Variants in TOGARAM1 observed in about 807,000 individuals in gnomAD.
TOGARAM1 encodes TOG array regulator of axonemal microtubules protein 1.
Under a neutral mutation model 166.6 loss-of-function variants are expected in TOGARAM1, and 100 were observed. The observed-to-expected ratio is 0.60, with a 90% CI of 0.51 to 0.71. The LOEUF (loss-of-function observed/expected upper bound fraction) is 0.71, where lower values mean the gene tolerates loss of function less well. Among genes scored for constraint, TOGARAM1 ranks in the 30% least tolerant of loss-of-function variants. The probability of loss-of-function intolerance (pLI) is 0.00; values close to 1 mark genes in which losing one functional copy is unlikely to be tolerated. For missense variants in TOGARAM1, 2,029 were observed against 2,102.7 expected (o/e 0.96, Z 0.69); for synonymous variants, 758 against 763.8 (o/e 0.99, Z 0.13).
chr14:45,070,951 C>G (rs1183854091), intron 18 of TOGARAM1, among the ~76,000 whole-genome samples: 2 of 152,180 alleles, frequency 1.3e-5, no homozygotes, highest in Admixed American at 6.5e-5. Context: ...GAGACGGAGT[C>G]TCACTCTATC....
chr14:45,062,568 G>T (rs1460475569), intron 16 of TOGARAM1, among the ~76,000 whole-genome samples: 1 of 152,084 alleles, frequency 6.6e-6, no homozygotes, highest in Non-Finnish European at 1.5e-5. Context: ...ACTTAGGATC[G>T]TTCAACTTAC....
At position 44,962,845 on chromosome 14, in the gene TOGARAM1, C is replaced by G. The variant is rs1290907363; in HGVS notation, c.424C>G (p.Arg142Gly). Residue 142 changes from arginine (R) to glycine (G), a missense_variant, in exon 1 of 20, where the codon CGA becomes GGA. Physicochemically the swap from Arg to Gly is moderately radical, Grantham distance 125 (BLOSUM62 -2). Coordinates refer to ENST00000361462, the MANE Select transcript of TOGARAM1 (RefSeq NM_001308120.2). ...GGAAGCTTTGTATCGGGCACTGGGC[C>G]GAGTGCTTGTGGAAGGAGGTAGTGA... ...RKEALYRALGRVLVEGGSDEK... is the reference protein window; with the variant it reads ...RKEALYRALGGVLVEGGSDEK... The G allele has an allele frequency of 3.7e-6, 6 of 1,613,392 alleles. No individual in the cohort carries two copies. Among genetic ancestry groups the G allele is most frequent in the South Asian group, 1.1e-5 (1 of 91,074 alleles).
At chr14:44,981,999 C>T (rs1187173147) in intron 1 of TOGARAM1, among the ~76,000 whole-genome samples, 5 of 151,970 alleles carry the variant, frequency 3.3e-5, no homozygotes, top group Admixed American at 1.3e-4. Flanking sequence ...CACGCCACCA[C>T]GCCTAGCTAA....
At chr14:44,970,907 T>C (rs1277103093) in intron 1 of TOGARAM1, among the ~76,000 whole-genome samples, 1 of 152,218 alleles carries the variant, frequency 6.6e-6, no homozygotes, top group Non-Finnish European at 1.5e-5. Context: ...TGGTGTGTTA[T>C]TCATTTTGTA....
intron 1 of TOGARAM1, among the ~76,000 whole-genome samples, chr14:44,969,150 C>CCTTCCTTCCTTCCTTCCTTTCTTTCT (rs1566595745): frequency 7.7e-6 from 1 of 130,052 alleles, no homozygotes; most frequent in African/African-American, 3.3e-5. Flanking sequence ...TCCTTCCTTT[C>CCTTCCTTCCTTCCTTCCTTTCTTTCT]TTTCTTTCTT....
chr14:45,063,479 GT>G (rs373702236), intron 16 of TOGARAM1, among the ~76,000 whole-genome samples: 130 of 118,690 alleles, frequency 1.1e-3, no homozygotes, highest in Middle Eastern at 4.7e-3. Context: ...ATTTGACAAA[GT>G]TTTTTTTTTT....
intron 1 of TOGARAM1, among the ~76,000 whole-genome samples, chr14:44,992,776 C>T (rs1887214931): frequency 6.6e-6 from 1 of 151,514 alleles, no homozygotes; most frequent in Non-Finnish European, 1.5e-5. Context: ...TGCCACCACG[C>T]CCGACTAATT....
intron 17 of TOGARAM1, 48 bp downstream of exon 17, chr14:45,066,815 C>A: frequency 6.7e-7 from 1 of 1,493,880 alleles, no homozygotes; most frequent in Non-Finnish European, 9.1e-7. Flanking sequence ...GTGGCTCACG[C>A]CTGTAATCCA....
intron 6 of TOGARAM1, among the ~76,000 whole-genome samples, chr14:45,009,716 A>T (rs552178293): frequency 6.9e-4 from 105 of 152,320 alleles, no homozygotes; most frequent in Non-Finnish European, 1.2e-3. Flanking sequence ...TCAGCATAGC[A>T]GTTGGACTAA....
intron 11 of TOGARAM1, among the ~76,000 whole-genome samples, chr14:45,041,287 G>GC (rs1881712790): frequency 6.6e-6 from 1 of 151,754 alleles, no homozygotes; most frequent in African/African-American, 2.4e-5. Context: ...TGTAATCCCA[G>GC]CTACTCCAGA....
intron 18 of TOGARAM1, among the ~76,000 whole-genome samples, chr14:45,070,732 G>A (rs2139010707): frequency 6.6e-6 from 1 of 152,206 alleles, no homozygotes; most frequent in East Asian, 1.9e-4. Context: ...TACAGAGGTT[G>A]GCTCCCCTAA....
In TOGARAM1 at chr14:44,973,853, G is replaced by T. The variant is rs1262564777; in HGVS notation, c.2046+9386G>T. 2.0e-5 allele frequency among the ~76,000 whole-genome samples: 3 copies of T among 150,812 alleles called. No homozygotes were observed. In the East Asian group the frequency reaches 5.8e-4, roughly 29 times the overall value. On this transcript the variant is annotated intron_variant, in intron 1 of 19. Coordinates refer to ENST00000361462, the MANE Select transcript of TOGARAM1 (RefSeq NM_001308120.2). ...AATCCACTTTCTTCTTCTTTGTATG[G>T]TTTCTGAGAAGTTAGATGTAATTCT...
rs962801907 is a variant in TOGARAM1, at chr14:45,011,055, G to A, written c.3138-920G>A. ...TATTCATTACTAACTTACTGACATTGTAACACTTACTGATTTAAAACAGTT... is the reference window on the plus strand; with the variant it reads ...TATTCATTACTAACTTACTGACATTATAACACTTACTGATTTAAAACAGTT... On this transcript the variant is annotated intron_variant, in intron 6 of 19. Coordinates refer to ENST00000361462, the MANE Select transcript of TOGARAM1 (RefSeq NM_001308120.2). Among the ~76,000 whole-genome samples the A allele has an allele frequency of 4.6e-5, 7 of 152,050 alleles. No homozygotes were observed. The South Asian group carries it at 6.2e-4, about 14-fold the overall frequency.
At chr14:44,973,796 T>TG (rs1182038477) in intron 1 of TOGARAM1, among the ~76,000 whole-genome samples, 1 of 147,294 alleles carries the variant, frequency 6.8e-6, no homozygotes, top group Non-Finnish European at 1.5e-5. Context: ...AATTGATGGG[T>TG]TTTTTTTTTC....
At chr14:45,023,121 C>A (rs1189812522) in intron 7 of TOGARAM1, 1 of 152,210 alleles carries the variant, frequency 6.6e-6, no homozygotes. Flanking sequence ...TCACTGACCA[C>A]TGCATACCCC....
chr14:45,048,681 A>G (rs1040420831), intron 14 of TOGARAM1, among the ~76,000 whole-genome samples: 1 of 152,052 alleles, frequency 6.6e-6, no homozygotes, highest in Non-Finnish European at 1.5e-5. Context: ...CCTTGTGGTT[A>G]TAAGACTGAG....
At chr14:44,966,064 A>C (rs930002031) in intron 1 of TOGARAM1, among the ~76,000 whole-genome samples, 4 of 151,160 alleles carry the variant, frequency 2.6e-5, no homozygotes, top group African/African-American at 9.7e-5. Flanking sequence ...TAGTAGAGAC[A>C]GGGTTTCACC....
chr14:45,012,041 A>C lies in TOGARAM1; in HGVS notation c.3204A>C (p.Lys1068Asn). 1 of 1,611,486 alleles carries C rather than the reference A, an allele frequency of 6.2e-7. No individual in the cohort carries two copies. The highest frequency in any genetic ancestry group is 1.7e-5 in the Admixed American group (1 of 59,640). Residue 1068 changes from lysine (K) to asparagine (N), a missense_variant, in exon 7 of 20, where the codon AAA becomes AAC. Coordinates refer to ENST00000361462, the MANE Select transcript of TOGARAM1 (RefSeq NM_001308120.2). The stretch of plus-strand genomic sequence containing the variant: ...CAAGACTTTCTTCTGCAAAGAAAAA[A>C]ATTTCTCATATTGCTGAACAAAGCC... ...CPTRLSSAKK[K>N]ISHIAEQSPS... is the part of the protein sequence containing the mutation.
At chr14:44,987,423 A>G (rs1366565565) in intron 1 of TOGARAM1, among the ~76,000 whole-genome samples, 2 of 152,182 alleles carry the variant, frequency 1.3e-5, no homozygotes, top group Middle Eastern at 3.4e-3. Flanking sequence ...AAAACAAACA[A>G]CCCCATCAAC....
Sources: gnomAD v4.1 joint callset for allele counts (sites outside exome capture counted in the v4.1 genomes callset) on GRCh38, gnomAD v4.1.1 for gene constraint, MANE v1.5 for transcripts, NCBI Gene and HGNC (gene_info 2026-07-23, HGNC 2026-07-21) for gene names.